The following DOP1A variants were observed in gnomAD, a reference collection of about 807,000 sequenced individuals.
DOP1A encodes DOP1 leucine zipper like protein A, also known as protein DOP1A.
In DOP1A, 90 loss-of-function variants were observed where a neutral mutation model predicts 267.6. The ratio of observed to expected loss-of-function variants is 0.34; its 90% CI spans 0.28 to 0.40. The LOEUF is 0.40. Ranked by LOEUF, DOP1A falls within the 10% of genes least tolerant of loss-of-function variation. DOP1A has a pLI of 1.00. For missense variants in DOP1A, 2,437 were observed against 2,900.4 expected (o/e 0.84, Z 3.67); for synonymous variants, 932 against 999.1 (o/e 0.93, Z 1.27).
In DOP1A at chr6:83,167,971, A is replaced by G. The variant is rs557224254; in HGVS notation, c.7202A>G (p.Asn2401Ser). 2.2e-5 allele frequency: 36 copies of G among 1,614,078 alleles called. No individual in the cohort carries two copies. Among genetic ancestry groups the G allele is most frequent in the South Asian group, 5.5e-5 (5 of 91,090 alleles). The change falls in exon 39 of 39, where the codon AAT becomes AGT. Residue 2401 changes from asparagine (N) to serine (S), a missense_variant. Coordinates refer to ENST00000349129, the MANE Select transcript of DOP1A (RefSeq NM_015018.4). ...ATGGAGCAGCTCCTGCCGTTCTTCAATGTGCTCAGTCAAGTCTTCAACAGC... is the reference window on the plus strand; with the variant it reads ...ATGGAGCAGCTCCTGCCGTTCTTCAGTGTGCTCAGTCAAGTCTTCAACAGC... ...RSMEQLLPFF[N>S]VLSQVFNSKV...
chr6:83,147,267 A>T lies in DOP1A; in HGVS notation c.5708A>T (p.Gln1903Leu). ...CTTTCTTTGGAAGTCTGCATGCTTC[A>T]GTTTTTCTATGCTTATATTCAAAGG... ...KHLSLEVCML[Q>L]FFYAYIQRIP... is the part of the protein sequence containing the mutation. Residue 1903 changes from glutamine to leucine, a missense_variant, in exon 26 of 39, where the codon CAG becomes CTG. Coordinates refer to ENST00000349129, the MANE Select transcript of DOP1A (RefSeq NM_015018.4). 1 of 1,503,970 alleles carries T rather than the reference A, an allele frequency of 6.6e-7. No homozygotes were observed. The allele number at this position is 1,503,970 out of a possible 1,614,324, so 93.2% of individuals were successfully genotyped here. A position where few individuals can be genotyped will look rare whatever the true frequency, so the allele number is the denominator to read the frequency against.
chr6:83,150,887 G>A (rs1180508051), intron 27 of DOP1A, among the ~76,000 whole-genome samples: 1 of 152,032 alleles, frequency 6.6e-6, no homozygotes, highest in African/African-American at 2.4e-5. Flanking sequence ...TTTGTAAAAA[G>A]TCAACATACC....
intron 1 of DOP1A, among the ~76,000 whole-genome samples, chr6:83,077,511 A>AT (rs1767307033): frequency 6.6e-6 from 1 of 151,400 alleles, no homozygotes; most frequent in African/African-American, 2.4e-5. Flanking sequence ...TACAAAAAAA[A>AT]ATTTTTTTTT....
chr6:83,145,024 ACCT>A (rs1780277433), intron 24 of DOP1A, among the ~76,000 whole-genome samples: 1 of 143,374 alleles, frequency 7.0e-6, no homozygotes, highest in Non-Finnish European at 1.5e-5. Context: ...GATCGCTTAA[ACCT>A]ATGAGGTTGA....
chr6:83,166,325 G>T (rs1030158071), intron 38 of DOP1A: 1 of 663,034 alleles, frequency 1.5e-6, no homozygotes, highest in Non-Finnish European at 2.7e-6. Flanking sequence ...AATTTCCGAT[G>T]ACTGGCCACT....
chr6:83,069,905 C>T (rs1785315934), intron 1 of DOP1A, among the ~76,000 whole-genome samples: 1 of 152,128 alleles, frequency 6.6e-6, no homozygotes, highest in South Asian at 2.1e-4. Flanking sequence ...GTAGAAGCCA[C>T]CCAAAATGTG....
rs575707085 is a variant in DOP1A at position 83,157,058 on chromosome 6, GTTTTGAATTTTT to G, written c.6605-121_6605-110del. Reference sequence around the variant, plus strand: ...TTGTTTTATGAAAATATCTACAACAGTTTTGAATTTTTTTAAAGTTTATCCTTTACTACAGAT... The same window carrying G: ...TTGTTTTATGAAAATATCTACAACAGTTAAAGTTTATCCTTTACTACAGAT... On this transcript the variant is annotated intron_variant, in intron 34 of 38. Transcript: ENST00000349129. 3.4e-4 allele frequency: 298 copies of G among 877,580 alleles called. 3 individuals carry two copies. In the African/African-American group the frequency reaches 4.7e-3, roughly 14 times the overall value. The allele number at this position is 877,580 out of a possible 1,614,324, so 54.4% of individuals were successfully genotyped here.
chr6:83,091,419 CAT>C lies in DOP1A; in HGVS notation c.-146-5307_-146-5306del, dbSNP rs141188259. Among the ~76,000 whole-genome samples, 463 of 150,048 alleles carry C rather than the reference CAT, an allele frequency of 3.1e-3. 4 individuals are homozygous for C. Among genetic ancestry groups the C allele is most frequent in the African/African-American group, 0.01 (435 of 41,464 alleles). On this transcript the variant is annotated intron_variant, in intron 1 of 38. Transcript: ENST00000349129. ...TTTTGTTTTATATGTTTGATATAAA[CAT>C]ATATCAAACAAACAAGCTATATGAA...
chr6:83,167,821 G>A (rs1300291405), intron 38 of DOP1A, 41 bp from the exon 39 acceptor site: 1 of 1,547,480 alleles, frequency 6.5e-7, no homozygotes, highest in Non-Finnish European at 8.7e-7. Flanking sequence ...ATACCACATT[G>A]TCTGTTGTAT....
intron 29 of DOP1A, 90 bp from the exon 30 acceptor site, chr6:83,152,198 T>C: frequency 1.4e-6 from 1 of 729,838 alleles, no homozygotes; most frequent in African/African-American, 2.0e-5. Context: ...TATATATACA[T>C]ATATAAAAAT....
rs79185992 is a variant in DOP1A, at chr6:83,139,139, C to T, written c.5097C>T (p.Tyr1699=). The T allele has an allele frequency of 4.2e-3, 6,807 of 1,612,704 alleles. 25 individuals are homozygous for T. Among genetic ancestry groups the T allele is most frequent in the Middle Eastern group, 7.3e-3 (44 of 6,050 alleles). ...NLDNLIQQYK[Y]ETGLSDSRPL... is the part of the protein sequence containing the mutation. Reference sequence around the variant, plus strand: ...ATAATCTAATTCAGCAGTACAAATACGAAACAGGATTATCTGATAGTAGGT... The same window carrying T: ...ATAATCTAATTCAGCAGTACAAATATGAAACAGGATTATCTGATAGTAGGT... The change falls in exon 21 of 39, where the codon TAC becomes TAT. Residue 1699 remains tyrosine, a synonymous_variant. Transcript: ENST00000349129.
At chr6:83,102,396 TG>T (rs1167324212) in intron 4 of DOP1A, among the ~76,000 whole-genome samples, 1 of 152,212 alleles carries the variant, frequency 6.6e-6, no homozygotes, top group Non-Finnish European at 1.5e-5. Context: ...CACCTGTTTG[TG>T]TTTGTGTCCT....
At chr6:83,077,503 C>CA (rs931127798) in intron 1 of DOP1A, among the ~76,000 whole-genome samples, 14 of 150,214 alleles carry the variant, frequency 9.3e-5, no homozygotes, top group East Asian at 7.8e-4. Flanking sequence ...ACCCTGTCTA[C>CA]AAAAAAAAAT....
At chr6:83,136,906 TA>T (rs1233787507) in intron 20 of DOP1A, among the ~76,000 whole-genome samples, 1 of 152,062 alleles carries the variant, frequency 6.6e-6, no homozygotes, top group Non-Finnish European at 1.5e-5. Flanking sequence ...GTATGCCCCC[TA>T]AAAAATACAG....
At chr6:83,083,206 G>T (rs1768450298) in intron 1 of DOP1A, among the ~76,000 whole-genome samples, 1 of 152,132 alleles carries the variant, frequency 6.6e-6, no homozygotes, top group Non-Finnish European at 1.5e-5. Flanking sequence ...TCAGTATTGA[G>T]TGGTGAACCA....
At chr6:83,163,992 A>C (rs1310736993) in intron 38 of DOP1A, among the ~76,000 whole-genome samples, 1 of 151,574 alleles carries the variant, frequency 6.6e-6, no homozygotes, top group Non-Finnish European at 1.5e-5. Flanking sequence ...TGGTATGCTC[A>C]CCATTGGGCC....
intron 4 of DOP1A, among the ~76,000 whole-genome samples, chr6:83,106,111 G>T (rs938201085): frequency 6.6e-6 from 1 of 151,926 alleles, no homozygotes; most frequent in East Asian, 1.9e-4. Flanking sequence ...TCATCTCAAG[G>T]TTTATGGTTT....
chr6:83,169,036 AATTTCTTTAACAAGTGT>A (rs1477903321), downstream of DOP1A: 1 of 1,369,780 alleles, frequency 7.3e-7, no homozygotes, highest in Non-Finnish European at 9.4e-7. Flanking sequence ...ATTAGAGGTA[AATTTCTTTAACAAGTGT>A]AAGGCTTACC....
intron 4 of DOP1A, among the ~76,000 whole-genome samples, chr6:83,108,560 T>C (rs777540097): frequency 1.3e-5 from 2 of 152,206 alleles, no homozygotes; most frequent in Non-Finnish European, 2.9e-5. Context: ...CCTAGATTTA[T>C]AGCTTTTGGT....
Sources: allele counts gnomAD v4.1 joint callset (sites outside exome capture counted in the v4.1 genomes callset), GRCh38; gene constraint gnomAD v4.1.1; transcripts MANE v1.5; gene names NCBI Gene and HGNC (gene_info 2026-07-23, HGNC 2026-07-21).